Variants in RANBP3 observed in about 807,000 individuals in gnomAD.
RANBP3 encodes the protein ran-binding protein 3.
In RANBP3, 14 loss-of-function variants were observed where a neutral mutation model predicts 77.3. The observed-to-expected ratio is 0.18, with a 90% CI of 0.12 to 0.28. The LOEUF (loss-of-function observed/expected upper bound fraction) is 0.28, where lower values mean the gene tolerates loss of function less well. Ranked by LOEUF, RANBP3 falls within the 10% of genes least tolerant of loss-of-function variation. The pLI, the probability that RANBP3 is intolerant of heterozygous loss-of-function variation, is 1.00. For synonymous variants in RANBP3, 315 were observed against 312.4 expected (o/e 1.01, Z -0.09); for missense variants, 586 against 752.3 (o/e 0.78, Z 2.59).
intron 5 of RANBP3, among the ~76,000 whole-genome samples, chr19:5,940,681 T>C (rs898562251): frequency 6.6e-6 from 1 of 152,198 alleles, no homozygotes; most frequent in African/African-American, 2.4e-5. Context: ...TGTAAAATGA[T>C]TTACATGAAC....
rs148543115 is a variant in RANBP3, at chr19:5,924,122, G to A, written c.997-208C>T. Among the ~76,000 whole-genome samples, 277 of 152,246 alleles carry A rather than the reference G, an allele frequency of 1.8e-3. 3 individuals carry two copies. The highest frequency in any genetic ancestry group is 0.017 in the Middle Eastern group (5 of 294). On this transcript the variant is annotated intron_variant, in intron 11 of 16. Transcript: ENST00000340578. The surrounding 1 kb of genome is among the most constrained non-coding windows in gnomAD (Gnocchi z 4.7). ...AGTGCCACCAGCCGACAGTCCCCTC[G>A]AGCCACACTGGTCACTCCGTCTGGG...
intron 1 of RANBP3, among the ~76,000 whole-genome samples, chr19:5,971,047 G>GTC (rs2058524604): frequency 2.0e-5 from 3 of 152,146 alleles, no homozygotes; most frequent in Middle Eastern, 3.2e-3. Flanking sequence ...CATGCCAGTG[G>GTC]TTCTCAAATT....
intron 2 of RANBP3, among the ~76,000 whole-genome samples, chr19:5,956,557 T>G (rs1472945247): frequency 6.6e-6 from 1 of 152,116 alleles, no homozygotes; most frequent in Non-Finnish European, 1.5e-5. Context: ...ATGGGAAAGT[T>G]TCATGAGTTA....
chr19:5,966,078 G>A (rs1450556452), intron 1 of RANBP3, among the ~76,000 whole-genome samples: 1 of 152,238 alleles, frequency 6.6e-6, no homozygotes, highest in Non-Finnish European at 1.5e-5. Flanking sequence ...GTGCAAAAGG[G>A]AGGAGTTACC....
Position 5,978,127 on chromosome 19 carries a change from C to T in RANBP3, c.-45G>A, listed in dbSNP as rs1476106279. The T allele has an allele frequency of 4.4e-6, 7 of 1,592,844 alleles. No individual in the cohort carries two copies. Among genetic ancestry groups the T allele is most frequent in the Non-Finnish European group, 6.0e-6 (7 of 1,171,486 alleles). On this transcript the variant is annotated 5_prime_UTR_variant, in exon 1 of 17. Transcript: ENST00000340578. ...CCACAAGGCCCCGCGCCGGCCCAGG[C>T]TCGCCTGCTTTCTGCCAGAAACTCC...
At chr19:5,919,855 G>A (rs972356318) in intron 14 of RANBP3, among the ~76,000 whole-genome samples, 13 of 143,486 alleles carry the variant, frequency 9.1e-5, no homozygotes, top group Non-Finnish European at 1.5e-4. Context: ...GGGCCGAAAC[G>A]AAGCCACTGC....
intron 13 of RANBP3, 60 bp downstream of exon 13, chr19:5,923,134 C>A: frequency 1.5e-6 from 2 of 1,357,104 alleles, no homozygotes; most frequent in South Asian, 1.2e-5. Flanking sequence ...CCAGCCCTTG[C>A]GGTTGGACCC....
At position 5,959,574 on chromosome 19, in the gene RANBP3, G is replaced by C. The variant is rs2058375617; in HGVS notation, c.23-1601C>G. On this transcript the variant is annotated intron_variant, in intron 1 of 16. Transcript: ENST00000340578. The surrounding 1 kb of genome is among the most constrained non-coding windows in gnomAD (Gnocchi z 5.1). ...ACAAGGGAGCAGGGGAGGTCAGAGG[G>C]GTCTCCAACCAGACTTCCAGGTTTC... 6.6e-6 allele frequency among the ~76,000 whole-genome samples: 1 copy of C among 152,118 alleles called. No homozygotes were observed. Among genetic ancestry groups the C allele is most frequent in the Non-Finnish European group, 1.5e-5 (1 of 68,024 alleles).
chr19:5,935,644 C>T, intron 5 of RANBP3: 1 of 451,016 alleles, frequency 2.2e-6, no homozygotes, highest in Non-Finnish European at 4.5e-6. Context: ...GCCCGAGCTG[C>T]CAAGCGGAAG....
intron 3 of RANBP3, among the ~76,000 whole-genome samples, chr19:5,949,307 TG>T (rs1194554338): frequency 6.6e-6 from 1 of 152,238 alleles, no homozygotes; most frequent in Non-Finnish European, 1.5e-5. Context: ...CCATCTGACT[TG>T]ATCTATGGCC....
intron 13 of RANBP3, among the ~76,000 whole-genome samples, chr19:5,922,278 T>G (rs1258635875): frequency 6.6e-6 from 1 of 152,212 alleles, no homozygotes; most frequent in African/African-American, 2.4e-5. Context: ...CAGACACCCC[T>G]ACATGGCTTT....
chr19:5,935,593 G>C (rs1269689914), intron 5 of RANBP3: 1 of 410,314 alleles, frequency 2.4e-6, no homozygotes, highest in Non-Finnish European at 4.9e-6. Context: ...ACTCCGCTCC[G>C]TGCAGCGCTG....
At chr19:5,969,907 T>C (rs748070246) in intron 1 of RANBP3, among the ~76,000 whole-genome samples, 27 of 152,218 alleles carry the variant, frequency 1.8e-4, no homozygotes, top group Admixed American at 4.6e-4. Flanking sequence ...AAGGCCAGAA[T>C]AGAAAAATAA....
chr19:5,920,604 G>C (rs1465190174), intron 14 of RANBP3, among the ~76,000 whole-genome samples: 1 of 152,158 alleles, frequency 6.6e-6, no homozygotes, highest in African/African-American at 2.4e-5. Flanking sequence ...CTGGAGTGCA[G>C]TGGCTCAATC....
chr19:5,938,536 C>A (rs957502613), intron 5 of RANBP3, among the ~76,000 whole-genome samples: 10 of 151,766 alleles, frequency 6.6e-5, no homozygotes, highest in Non-Finnish European at 1.5e-5. Flanking sequence ...ACTAAAAATA[C>A]AAAACATTAG....
At chr19:5,951,945 T>C (rs1462346212) in intron 2 of RANBP3, among the ~76,000 whole-genome samples, 1 of 152,134 alleles carries the variant, frequency 6.6e-6, no homozygotes, top group East Asian at 1.9e-4. Context: ...ATGCAAAATA[T>C]TAAAACCCCT....
intron 2 of RANBP3, among the ~76,000 whole-genome samples, chr19:5,955,453 C>T (rs1409056221): frequency 6.6e-6 from 1 of 152,180 alleles, no homozygotes; most frequent in East Asian, 1.9e-4. Flanking sequence ...GGTTCAACTC[C>T]AACATGTTTA....
Position 5,917,841 on chromosome 19 carries a change from T to A in RANBP3, c.1613A>T (p.Asp538Val), listed in dbSNP as rs754530843. ...PGAAPSNEEDDSDDDDVLAPS... is the reference protein window; with the variant it reads ...PGAAPSNEEDVSDDDDVLAPS... ...AGCCAGGACATCGTCATCGTCGCTG[T>A]CGTCCTCCTCGTTGGATGGGGCTGC... Residue 538 changes from aspartate (D) to valine (V), a missense_variant, in exon 16 of 17, where the codon GAC (aspartate) becomes GTC (valine). Physicochemically the swap from Asp to Val is radical, Grantham distance 152 (BLOSUM62 -3). This residue lies in a region of RANBP3 where 128 missense variants were observed against 157.0 expected (regional missense o/e 0.82). Coordinates refer to ENST00000340578, the MANE Select transcript of RANBP3 (RefSeq NM_007322.3). 1 of 1,612,838 alleles carries A rather than the reference T, an allele frequency of 6.2e-7. No homozygotes were observed. The highest frequency in any genetic ancestry group is 2.2e-5 in the East Asian group (1 of 44,880).
At chr19:5,962,819 A>G (rs1345679607) in intron 1 of RANBP3, 1 of 451,786 alleles carries the variant, frequency 2.2e-6, no homozygotes, top group Non-Finnish European at 4.5e-6. Flanking sequence ...CACAAGCCCC[A>G]TTCCAGGCAG....
Sources: allele counts gnomAD v4.1 joint callset (sites outside exome capture counted in the v4.1 genomes callset), GRCh38; gene constraint gnomAD v4.1.1; regional missense constraint gnomAD v4.1.1; non-coding constraint Gnocchi (gnomAD v3.1); transcripts MANE v1.5; gene names NCBI Gene and HGNC (gene_info 2026-07-23, HGNC 2026-07-21).